Variants in WDR37 observed in about 807,000 individuals in gnomAD.
The protein encoded by WDR37 is WD repeat-containing protein 37.
A neutral mutation model predicts 62.9 loss-of-function variants in WDR37; 19 were observed. The observed-to-expected ratio is 0.30, with a 90% CI of 0.21 to 0.44. The LOEUF (loss-of-function observed/expected upper bound fraction) is 0.44, where lower values mean the gene tolerates loss of function less well. Among genes scored for constraint, WDR37 ranks in the 20% least tolerant of loss-of-function variants. WDR37 has a pLI of 1.00. For missense variants in WDR37, 474 were observed against 657.6 expected (o/e 0.72, Z 3.05); for synonymous variants, 250 against 260.9 (o/e 0.96, Z 0.40).
At chr10:1,104,483 T>G (rs1234290698) in intron 10 of WDR37, among the ~76,000 whole-genome samples, 1 of 152,260 alleles carries the variant, frequency 6.6e-6, no homozygotes, top group East Asian at 1.9e-4. Flanking sequence ...TGGGACCCTT[T>G]TTAAGGGCTA....
At chr10:1,107,741 C>T (rs60813394) in intron 11 of WDR37, among the ~76,000 whole-genome samples, 200 of 151,924 alleles carry the variant, frequency 1.3e-3, no homozygotes, top group African/African-American at 4.4e-3. Flanking sequence ...GTGTACACAC[C>T]ACTGTCTGTA....
chr10:1,084,268 G>A (rs1345166747), intron 5 of WDR37, 135 bp from the exon 6 acceptor site: 2 of 1,180,602 alleles, frequency 1.7e-6, no homozygotes, highest in African/African-American at 3.1e-5. Context: ...CACTTGCGCT[G>A]TGTTCCTTGA....
In WDR37 at chr10:1,103,484, A is replaced by G. The variant is rs1201627721; in HGVS notation, c.727-118A>G. On this transcript the variant is annotated intron_variant, in intron 9 of 13. Coordinates refer to ENST00000263150, the MANE Select transcript of WDR37 (RefSeq NM_014023.4). The surrounding 1 kb of genome is among the most constrained non-coding windows in gnomAD (Gnocchi z 6.3). ...CAGCACCAGGCTCCTAGTGGTGACC[A>G]TCATGATGGATATGTCCTCAAGAGA... The G allele has an allele frequency of 9.1e-6, 10 of 1,103,448 alleles. 1 individual carries two copies. In the East Asian group the frequency reaches 1.3e-4, roughly 14 times the overall value. The allele number at this position is 1,103,448 out of a possible 1,614,324, so 68.4% of individuals were successfully genotyped here.
At chr10:1,060,904 G>A (rs997016497) in intron 1 of WDR37, among the ~76,000 whole-genome samples, 22 of 152,362 alleles carry the variant, frequency 1.4e-4, no homozygotes, top group African/African-American at 4.8e-4. Context: ...GTGCAGGGTT[G>A]TAGGCTAGGA....
chr10:1,128,836 C>T (rs1180504391), intron 13 of WDR37, among the ~76,000 whole-genome samples: 6 of 150,900 alleles, frequency 4.0e-5, no homozygotes, highest in East Asian at 1.9e-4. Context: ...GGTCCATGCT[C>T]GGTGGTCCTG....
At chr10:1,108,761 G>C (rs1835110927) in intron 11 of WDR37, among the ~76,000 whole-genome samples, 1 of 123,310 alleles carries the variant, frequency 8.1e-6, no homozygotes. Context: ...CGTGGAACCT[G>C]CAGGGCCCTG....
At chr10:1,116,764 T>C (rs181629749) in intron 11 of WDR37, among the ~76,000 whole-genome samples, 1 of 152,278 alleles carries the variant, frequency 6.6e-6, no homozygotes, top group East Asian at 1.9e-4. Flanking sequence ...GCAGCAGTCA[T>C]GTTCAGGGGT....
intron 6 of WDR37, among the ~76,000 whole-genome samples, chr10:1,084,769 C>G (rs997594099): frequency 1.3e-5 from 2 of 152,144 alleles, no homozygotes; most frequent in Admixed American, 1.3e-4. Flanking sequence ...ATTTTGTGGT[C>G]CCGTGGGTGG....
At position 1,080,437 on chromosome 10, in the gene WDR37, C is replaced by A; in HGVS notation, c.357C>A (p.Ser119=). 6.2e-7 allele frequency: 1 copy of A among 1,614,178 alleles called. No individual in the cohort carries two copies. The change falls in exon 5 of 14, where the codon TCC becomes TCA. Residue 119 remains serine, a synonymous_variant. Transcript: ENST00000263150. ...TKASHSTSQL[S]QKLKTTYKAS... is the part of the protein sequence containing the mutation. ...CCAGTCACAGCACCAGCCAGCTCTC[C>A]CAGAAACTGAAGACCACTTACAAGG...
intron 7 of WDR37, among the ~76,000 whole-genome samples, chr10:1,089,927 C>A (rs1834331373): frequency 6.6e-6 from 1 of 152,164 alleles, no homozygotes; most frequent in Admixed American, 6.5e-5. Flanking sequence ...GTGTGTCTCT[C>A]CTCTTCCTCC....
At chr10:1,069,389 A>ATATATATTTTTTT in intron 1 of WDR37, among the ~76,000 whole-genome samples, 18 of 95,784 alleles carry the variant, frequency 1.9e-4, no homozygotes, top group African/African-American at 6.6e-4. Flanking sequence ...ATATATATAT[A>ATATATATTTTTTT]TTTTTTTTTT....
chr10:1,059,238 T>C (rs1227722246), intron 1 of WDR37, among the ~76,000 whole-genome samples: 1 of 152,256 alleles, frequency 6.6e-6, no homozygotes, highest in Non-Finnish European at 1.5e-5. Flanking sequence ...CAGCTGGGCA[T>C]GGTGGCGGGC....
intron 2 of WDR37, among the ~76,000 whole-genome samples, chr10:1,076,588 A>T (rs1451408463): frequency 2.6e-5 from 4 of 151,706 alleles, no homozygotes; most frequent in Admixed American, 2.6e-4. Context: ...CTGAGGCAGG[A>T]GAATGGCACG....
At chr10:1,091,715 G>A (rs946866643) in intron 7 of WDR37, among the ~76,000 whole-genome samples, 1 of 152,166 alleles carries the variant, frequency 6.6e-6, no homozygotes, top group Admixed American at 6.5e-5. Flanking sequence ...CATCCCAGGT[G>A]GGCAGTGTGG....
At position 1,129,688 on chromosome 10, in the gene WDR37, CG is replaced by C; in HGVS notation, c.*345del. 3 of 183,276 alleles carry C rather than the reference CG, an allele frequency of 1.6e-5. No individual in the cohort carries two copies. Among genetic ancestry groups the C allele is most frequent in the South Asian group, 1.1e-4 (1 of 8,860 alleles). 11.4% of individuals were successfully genotyped at this position (183,276 alleles called of 1,614,324 possible). ...GAATTAAATGTGAACTTCTGTATTA[CG>C]TTGCGGCGTCGGCAGTCCTGCGTTC... On this transcript the variant is annotated 3_prime_UTR_variant, in exon 14 of 14. Coordinates refer to ENST00000263150, the MANE Select transcript of WDR37 (RefSeq NM_014023.4).
rs1320672219 is a variant in WDR37, at chr10:1,129,519, T to G, written c.*175T>G. 1 of 1,040,254 alleles carries G rather than the reference T, an allele frequency of 9.6e-7. No individual in the cohort carries two copies. Among genetic ancestry groups the G allele is most frequent in the Non-Finnish European group, 1.3e-6 (1 of 746,908 alleles). The allele number at this position is 1,040,254 out of a possible 1,614,324, so 64.4% of individuals were successfully genotyped here. Reference sequence around the variant, plus strand: ...ATGAAATGTACAGAGAAATGTGTGGTCGTATTTTTTACTTTTGTCTTGTAT... The same window carrying G: ...ATGAAATGTACAGAGAAATGTGTGGGCGTATTTTTTACTTTTGTCTTGTAT... On this transcript the variant is annotated 3_prime_UTR_variant, in exon 14 of 14. Transcript: ENST00000263150.
At position 1,126,389 on chromosome 10, in the gene WDR37, G is replaced by A. The variant is rs1484540242; in HGVS notation, c.1353+1365G>A. On this transcript the variant is annotated intron_variant, in intron 13 of 13. Transcript: ENST00000263150. ...CCACTGCACTCCAGCCTGGGCGACA[G>A]AGCGAGACTGTGTCTCAGAAAAAAA... 2.0e-5 allele frequency among the ~76,000 whole-genome samples: 3 copies of A among 146,826 alleles called. No individual in the cohort carries two copies. In the South Asian group the frequency reaches 6.5e-4, roughly 32 times the overall value.
Position 1,105,358 on chromosome 10 carries a change from A to G in WDR37, c.1103+91A>G. The G allele has an allele frequency of 3.5e-6, 5 of 1,447,256 alleles. No individual in the cohort carries two copies. Among genetic ancestry groups the G allele is most frequent in the Non-Finnish European group, 4.7e-6 (5 of 1,064,604 alleles). 89.7% of individuals were successfully genotyped at this position (1,447,256 alleles called of 1,614,324 possible). A position where few individuals can be genotyped will look rare whatever the true frequency, so the allele number is the denominator to read the frequency against. ...CTTAATTCTAGCCTTAATTTTCAGTATTTCCGACTCTACTATCTTTCAAAA... is the reference window on the plus strand; with the variant it reads ...CTTAATTCTAGCCTTAATTTTCAGTGTTTCCGACTCTACTATCTTTCAAAA... On this transcript the variant is annotated intron_variant, in intron 11 of 13. Transcript: ENST00000263150. This position sits in a 1 kb window ranked among gnomAD's most constrained non-coding sequence, Gnocchi z 5.3.
At chr10:1,127,648 G>A (rs57200374) in intron 13 of WDR37, among the ~76,000 whole-genome samples, 1,997 of 152,328 alleles carry the variant, frequency 0.013, 36 homozygotes, top group African/African-American at 0.045. Flanking sequence ...CAGGAGGTCC[G>A]GGGTCAGGGT....
Sources: allele counts gnomAD v4.1 joint callset (sites outside exome capture counted in the v4.1 genomes callset), GRCh38; gene constraint gnomAD v4.1.1; non-coding constraint Gnocchi (gnomAD v3.1); transcripts MANE v1.5; gene names NCBI Gene and HGNC (gene_info 2026-07-23, HGNC 2026-07-21).